Variants in DCAF17 observed in about 807,000 individuals in gnomAD.
The protein encoded by DCAF17 is DDB1 and CUL4 associated factor 17, also known as DDB1- and CUL4-associated factor 17.
In DCAF17, 48 loss-of-function variants were observed where a neutral mutation model predicts 66.0. That is an observed-to-expected ratio of 0.73 (90% CI 0.58 to 0.92). The LOEUF (loss-of-function observed/expected upper bound fraction) is 0.92. Ranked by LOEUF, DCAF17 falls within the 40% of genes least tolerant of loss-of-function variation. The pLI, the probability that DCAF17 is intolerant of heterozygous loss-of-function variation, is 0.00. For synonymous variants in DCAF17, 206 were observed against 214.6 expected (o/e 0.96, Z 0.35); for missense variants, 562 against 622.8 (o/e 0.90, Z 1.04).
intron 8 of DCAF17, among the ~76,000 whole-genome samples, chr2:171,466,536 A>G (rs1406036450): frequency 1.3e-5 from 2 of 151,898 alleles, no homozygotes; most frequent in Non-Finnish European, 2.9e-5. Context: ...AAATTTTCTT[A>G]CCACAAGACA....
chr2:171,480,043 C>G lies in DCAF17; in HGVS notation c.1272C>G (p.Phe424Leu). 6.2e-7 allele frequency: 1 copy of G among 1,613,340 alleles called. No homozygotes were observed. Among genetic ancestry groups the G allele is most frequent in the Non-Finnish European group, 8.5e-7 (1 of 1,179,614 alleles). Residue 424 changes from phenylalanine to leucine, a missense_variant, in exon 13 of 14, where the codon TTC becomes TTG. Coordinates refer to ENST00000375255, the MANE Select transcript of DCAF17 (RefSeq NM_025000.4). ...TTTATCTATCTATCCCAAAGACTTT[C>G]AAAATTGTGGACTATGAAGATGAGT... ...LLDDDPEQET[F>L]KIVDYEDELD...
chr2:171,464,566 A>G (rs555897425), intron 8 of DCAF17, among the ~76,000 whole-genome samples: 115 of 152,218 alleles, frequency 7.6e-4, no homozygotes, highest in African/African-American at 2.7e-3. Flanking sequence ...TAAAGATCCT[A>G]TTTGCAAATA....
At chr2:171,451,632 G>A (rs1053617053) in intron 5 of DCAF17, among the ~76,000 whole-genome samples, 5 of 152,132 alleles carry the variant, frequency 3.3e-5, no homozygotes, top group African/African-American at 1.2e-4. Flanking sequence ...CTAGAGTGTC[G>A]TGGTGAGCTC....
chr2:171,471,870 C>A (rs1370936020), intron 9 of DCAF17, among the ~76,000 whole-genome samples: 5 of 151,922 alleles, frequency 3.3e-5, no homozygotes, highest in Non-Finnish European at 5.9e-5. Flanking sequence ...CAAAAATTAG[C>A]CAAGTGTGGT....
chr2:171,468,911 G>A lies in DCAF17; in HGVS notation c.862G>A (p.Val288Met), dbSNP rs747944118. The change falls in exon 9 of 14, where the codon GTG becomes ATG. Residue 288 changes from valine to methionine, a missense_variant. Val to Met is a conservative substitution (Grantham distance 21). This residue lies in a region of DCAF17 where 348 missense variants were observed against 355.9 expected (regional missense o/e 0.98). Coordinates refer to ENST00000375255, the MANE Select transcript of DCAF17 (RefSeq NM_025000.4). The stretch of plus-strand genomic sequence containing the variant: ...AGACATGCCACCACTGCTCTTTGAG[G>A]TGTCATCCCTGGAGAATGCTTTTCA... The part of the protein sequence containing the change: ...ITDMPPLLFE[V>M]SSLENAFQIG... 30 of 1,614,090 alleles carry A rather than the reference G, an allele frequency of 1.9e-5. No individual in the cohort carries two copies. The South Asian group carries it at 3.3e-4, about 18-fold the overall frequency.
chr2:171,465,437 T>C (rs1254565757), intron 8 of DCAF17, among the ~76,000 whole-genome samples: 2 of 152,250 alleles, frequency 1.3e-5, no homozygotes, highest in South Asian at 4.1e-4. Flanking sequence ...AATTGTGAAA[T>C]GTGTATATAG....
At chr2:171,460,518 T>TATG in intron 8 of DCAF17, among the ~76,000 whole-genome samples, 1 of 141,086 alleles carries the variant, frequency 7.1e-6, no homozygotes, top group South Asian at 2.4e-4. Context: ...GTGGGCAAAT[T>TATG]ATTATTATTA....
chr2:171,439,916 C>T (rs1252210656), intron 2 of DCAF17, among the ~76,000 whole-genome samples: 1 of 151,838 alleles, frequency 6.6e-6, no homozygotes, highest in African/African-American at 2.4e-5. Flanking sequence ...GGTAACAGAG[C>T]GAGACTCAAA....
chr2:171,439,365 T>C (rs1450065444), intron 2 of DCAF17, among the ~76,000 whole-genome samples: 1 of 152,138 alleles, frequency 6.6e-6, no homozygotes, highest in East Asian at 1.9e-4. Context: ...TTTCCTCTTT[T>C]ATTGCCCCAG....
At chr2:171,435,463 A>T (rs1482178995) in intron 2 of DCAF17, among the ~76,000 whole-genome samples, 1 of 152,042 alleles carries the variant, frequency 6.6e-6, no homozygotes, top group African/African-American at 2.4e-5. Context: ...GTCTACTTAT[A>T]CCACAGTCAA....
chr2:171,469,062 A>G (rs775685832), intron 9 of DCAF17, 32 bp downstream of exon 9: 19 of 1,612,000 alleles, frequency 1.2e-5, no homozygotes, highest in Admixed American at 8.3e-5. Context: ...TTATTAGCAA[A>G]TTTGTATCAA....
At position 171,443,633 on chromosome 2, in the gene DCAF17, C is replaced by T. The variant is rs202131890; in HGVS notation, c.321+20C>T. The T allele has an allele frequency of 4.8e-5, 76 of 1,592,006 alleles. No individual in the cohort carries two copies. Among genetic ancestry groups the T allele is most frequent in the Middle Eastern group, 1.7e-4 (1 of 6,040 alleles). On this transcript the variant is annotated intron_variant, in intron 3 of 13. Transcript: ENST00000375255. ...CCAGTGGTAAGATTTGTTTTTAGAG[C>T]GTTTGTTTCTAAAGCATTTTTAGCC... is the stretch of plus-strand genomic sequence containing the variant.
intron 6 of DCAF17, among the ~76,000 whole-genome samples, chr2:171,453,434 C>T (rs1695068757): frequency 6.6e-6 from 1 of 151,916 alleles, no homozygotes; most frequent in Non-Finnish European, 1.5e-5. Flanking sequence ...TATTGGATAC[C>T]TGTGGTCATT....
intron 2 of DCAF17, among the ~76,000 whole-genome samples, chr2:171,437,923 C>G (rs1171613108): frequency 6.6e-6 from 1 of 152,144 alleles, no homozygotes; most frequent in Non-Finnish European, 1.5e-5. Context: ...ATTTGCTCTT[C>G]TTTTACTAGT....
intron 9 of DCAF17, among the ~76,000 whole-genome samples, chr2:171,472,499 C>T (rs753362621): frequency 1.3e-5 from 2 of 152,134 alleles, no homozygotes; most frequent in African/African-American, 4.8e-5. Flanking sequence ...TCTGTACTTT[C>T]GATTTTACTG....
At chr2:171,436,343 G>C (rs1270032577) in intron 2 of DCAF17, among the ~76,000 whole-genome samples, 2 of 152,144 alleles carry the variant, frequency 1.3e-5, no homozygotes, top group East Asian at 3.8e-4. Context: ...CCTAGGAATG[G>C]AATTGGTAGG....
intron 2 of DCAF17, 76 bp downstream of exon 2, chr2:171,435,262 C>T: frequency 9.1e-7 from 1 of 1,100,516 alleles, no homozygotes; most frequent in Non-Finnish European, 1.4e-6. Context: ...GAACCACATG[C>T]CTACATTAGT....
chr2:171,477,884 G>T, intron 11 of DCAF17, 103 bp from the exon 12 acceptor site: 1 of 868,624 alleles, frequency 1.2e-6, no homozygotes, highest in East Asian at 2.6e-5. Flanking sequence ...TTGTGGATGT[G>T]GGAGAAGGGT....
intron 5 of DCAF17, 61 bp from the exon 6 acceptor site, chr2:171,453,063 A>G (rs1574350172): frequency 1.7e-6 from 2 of 1,198,864 alleles, no homozygotes; most frequent in Non-Finnish European, 2.4e-6. Flanking sequence ...TCAACTAATG[A>G]AAACAGTGTG....
Sources: allele counts gnomAD v4.1 joint callset (sites outside exome capture counted in the v4.1 genomes callset), GRCh38; gene constraint gnomAD v4.1.1; regional missense constraint gnomAD v4.1.1; transcripts MANE v1.5; gene names NCBI Gene and HGNC (gene_info 2026-07-23, HGNC 2026-07-21).